TMEM132D: variants seen among roughly 807,000 people sequenced by gnomAD.
TMEM132D encodes mature OL transmembrane protein.
TMEM132D carries 21 observed loss-of-function variants against 62.3 expected under a neutral mutation model. The observed-to-expected ratio is 0.34, with a 90% CI of 0.24 to 0.49. The LOEUF (loss-of-function observed/expected upper bound fraction) is 0.49, where lower values mean the gene tolerates loss of function less well. Among genes scored for constraint, TMEM132D ranks in the 20% least tolerant of loss-of-function variants. The pLI, the probability that TMEM132D is intolerant of heterozygous loss-of-function variation, is 0.99. For missense variants in TMEM132D, 1,346 were observed against 1,402.8 expected (o/e 0.96, Z 0.65); for synonymous variants, 621 against 575.6 (o/e 1.08, Z -1.13).
chr12:129,358,530 T>C (rs1264031059), intron 3 of TMEM132D, among the ~76,000 whole-genome samples: 1 of 152,210 alleles, frequency 6.6e-6, no homozygotes, highest in Non-Finnish European at 1.5e-5. Flanking sequence ...GGCTTCTTTA[T>C]TCCAGCTCCC....
intron 3 of TMEM132D, among the ~76,000 whole-genome samples, chr12:129,357,517 AGAAG>A (rs1184611673): frequency 4.0e-5 from 6 of 151,714 alleles, no homozygotes; most frequent in African/African-American, 1.5e-4. Flanking sequence ...GGAGAAAGAA[AGAAG>A]GAAGGAAAGA....
chr12:129,893,276 G>C lies in TMEM132D; in HGVS notation c.79+9985C>G, dbSNP rs186141409. On this transcript the variant is annotated intron_variant, in intron 1 of 8. Transcript: ENST00000422113. The stretch of plus-strand genomic sequence containing the variant: ...ATGCTACTACACAAAGGATGGTGGT[G>C]AGGATTTCATGAGTGAATGAAAGTA... Among the ~76,000 whole-genome samples, 99 of 152,276 alleles carry C rather than the reference G, an allele frequency of 6.5e-4. 1 individual carries two copies. Among genetic ancestry groups the C allele is most frequent in the African/African-American group, 2.2e-3 (91 of 41,562 alleles).
chr12:129,878,263 G>A (rs75427277), intron 1 of TMEM132D, among the ~76,000 whole-genome samples: 35 of 152,162 alleles, frequency 2.3e-4, no homozygotes, highest in African/African-American at 7.0e-4. Flanking sequence ...ATCTATTCTC[G>A]ACCTTCCTTT....
intron 5 of TMEM132D, among the ~76,000 whole-genome samples, chr12:129,177,705 C>A (rs1877943717): frequency 6.6e-6 from 1 of 152,170 alleles, no homozygotes; most frequent in Admixed American, 6.5e-5. Context: ...CTGCAGTGAG[C>A]TATGATCGCA....
At chr12:129,358,123 A>G (rs149181072) in intron 3 of TMEM132D, among the ~76,000 whole-genome samples, 82 of 152,146 alleles carry the variant, frequency 5.4e-4, no homozygotes, top group African/African-American at 1.9e-3. Flanking sequence ...CTCTATTTCT[A>G]TCTTATAATA....
chr12:129,133,214 C>T (rs1217256876), intron 5 of TMEM132D, among the ~76,000 whole-genome samples: 1 of 152,154 alleles, frequency 6.6e-6, no homozygotes, highest in Non-Finnish European at 1.5e-5. Flanking sequence ...CTACCCTCAA[C>T]AAATTTTTAA....
chr12:129,126,619 AT>A (rs1876221742), intron 5 of TMEM132D, among the ~76,000 whole-genome samples: 1 of 152,126 alleles, frequency 6.6e-6, no homozygotes, highest in South Asian at 2.1e-4. Context: ...GGTGAATGGT[AT>A]GGGAATAAAC....
chr12:129,698,889 G>T (rs572986462), intron 2 of TMEM132D, among the ~76,000 whole-genome samples: 1 of 152,122 alleles, frequency 6.6e-6, no homozygotes, highest in East Asian at 1.9e-4. Context: ...GGTCATCATT[G>T]GATGAAGTTT....
chr12:129,209,487 G>T (rs1878959823), intron 5 of TMEM132D, 33 bp downstream of exon 5: 1 of 1,611,596 alleles, frequency 6.2e-7, no homozygotes, highest in Non-Finnish European at 8.5e-7. Flanking sequence ...CATGACAGCA[G>T]GTTTCTGCAG....
At position 129,430,874 on chromosome 12, in the gene TMEM132D, G is replaced by A. The variant is rs542791323; in HGVS notation, c.1116-93057C>T. On this transcript the variant is annotated intron_variant, in intron 3 of 8. Coordinates refer to ENST00000422113, the MANE Select transcript of TMEM132D (RefSeq NM_133448.3). Reference sequence around the variant, plus strand: ...AAAATGGGGGAGGTAGATAGGGAAAGAGCTCAGGAGAGTGGGGGGAGACAG... The same window carrying A: ...AAAATGGGGGAGGTAGATAGGGAAAAAGCTCAGGAGAGTGGGGGGAGACAG... 2.0e-5 allele frequency among the ~76,000 whole-genome samples: 3 copies of A among 152,348 alleles called. No homozygotes were observed. The East Asian group carries it at 5.8e-4, about 29-fold the overall frequency.
intron 3 of TMEM132D, among the ~76,000 whole-genome samples, chr12:129,524,910 A>AT (rs1875967524): frequency 7.3e-6 from 1 of 137,216 alleles, no homozygotes; most frequent in South Asian, 2.5e-4. Context: ...TATTATTTTC[A>AT]TATTTTTTTC....
At chr12:129,471,667 A>G (rs1874096914) in intron 3 of TMEM132D, among the ~76,000 whole-genome samples, 1 of 152,242 alleles carries the variant, frequency 6.6e-6, no homozygotes, top group African/African-American at 2.4e-5. Context: ...AGGCATGTCA[A>G]AAGAGGTGAT....
intron 3 of TMEM132D, among the ~76,000 whole-genome samples, chr12:129,458,752 C>G (rs576894257): frequency 6.6e-6 from 1 of 152,122 alleles, no homozygotes; most frequent in African/African-American, 2.4e-5. Flanking sequence ...GGCTCATATT[C>G]GGCCGATGCG....
At chr12:129,222,088 G>C (rs528644929) in intron 4 of TMEM132D, among the ~76,000 whole-genome samples, 1 of 152,052 alleles carries the variant, frequency 6.6e-6, no homozygotes, top group Non-Finnish European at 1.5e-5. Flanking sequence ...CAGAGGGATT[G>C]CATTTTGGCA....
At chr12:129,377,670 C>A (rs1183901002) in intron 3 of TMEM132D, among the ~76,000 whole-genome samples, 1 of 152,116 alleles carries the variant, frequency 6.6e-6, no homozygotes, top group African/African-American at 2.4e-5. Context: ...CTCCAGGAAC[C>A]AGTTTGGTTT....
At chr12:129,563,985 C>T (rs1877305536) in intron 2 of TMEM132D, among the ~76,000 whole-genome samples, 1 of 152,162 alleles carries the variant, frequency 6.6e-6, no homozygotes, top group African/African-American at 2.4e-5. Flanking sequence ...TGATAGGAAG[C>T]AGCTTCTATT....
intron 1 of TMEM132D, among the ~76,000 whole-genome samples, chr12:129,725,898 G>T (rs1869017257): frequency 6.6e-6 from 1 of 152,198 alleles, no homozygotes; most frequent in South Asian, 2.1e-4. Flanking sequence ...AATGATAAGA[G>T]TGGTTCTCAA....
intron 5 of TMEM132D, among the ~76,000 whole-genome samples, chr12:129,146,644 C>T (rs1876907388): frequency 6.6e-6 from 1 of 152,194 alleles, no homozygotes; most frequent in Admixed American, 6.5e-5. Flanking sequence ...ATATTTCCCT[C>T]AGCATACTAT....
At chr12:129,360,262 G>T (rs1378702941) in intron 3 of TMEM132D, among the ~76,000 whole-genome samples, 3 of 152,158 alleles carry the variant, frequency 2.0e-5, no homozygotes, top group Non-Finnish European at 4.4e-5. Flanking sequence ...CCTCCAAAGA[G>T]AAGCTGAACT....
Sources: gnomAD v4.1 joint callset for allele counts (sites outside exome capture counted in the v4.1 genomes callset) on GRCh38, gnomAD v4.1.1 for gene constraint, MANE v1.5 for transcripts, NCBI Gene and HGNC (gene_info 2026-07-23, HGNC 2026-07-21) for gene names.